The following MROH9 variants were observed in gnomAD, a reference collection of about 807,000 sequenced individuals.
MROH9 encodes the protein maestro heat like repeat family member 9, also known as maestro heat-like repeat-containing protein family member 9.
A neutral mutation model predicts 98.2 loss-of-function variants in MROH9; 92 were observed. The ratio of observed to expected loss-of-function variants is 0.94; its 90% CI spans 0.79 to 1.11. The LOEUF is 1.11. MROH9 is among the 50% of genes most tolerant of loss of function. The pLI is 0.00. For synonymous variants in MROH9, 397 were observed against 368.9 expected (o/e 1.08, Z -0.87); for missense variants, 1,057 against 1,014.8 (o/e 1.04, Z -0.57).
chr1:171,013,664 G>A (rs1652233973), intron 15 of MROH9, among the ~76,000 whole-genome samples: 1 of 152,062 alleles, frequency 6.6e-6, no homozygotes, highest in South Asian at 2.1e-4. Context: ...TAGCTTGCCT[G>A]GAAGCTCCAC....
intron 15 of MROH9, among the ~76,000 whole-genome samples, chr1:171,008,016 G>A (rs1308846477): frequency 6.6e-6 from 1 of 152,122 alleles, no homozygotes. Flanking sequence ...TCCCCAGCAA[G>A]GTACTTTTGT....
At chr1:170,972,330 C>T (rs904932749) in intron 8 of MROH9, among the ~76,000 whole-genome samples, 1 of 151,950 alleles carries the variant, frequency 6.6e-6, no homozygotes, top group Non-Finnish European at 1.5e-5. Flanking sequence ...AAAAGCAAGA[C>T]CTGAAAGTAT....
chr1:170,974,314 G>T (rs1650599045), intron 8 of MROH9, among the ~76,000 whole-genome samples: 1 of 152,056 alleles, frequency 6.6e-6, no homozygotes, highest in Non-Finnish European at 1.5e-5. Context: ...ACACTGAAAA[G>T]CTCAGCAGAG....
At chr1:171,013,358 T>G (rs528481808) in intron 15 of MROH9, among the ~76,000 whole-genome samples, 1 of 152,270 alleles carries the variant, frequency 6.6e-6, no homozygotes, top group East Asian at 1.9e-4. Context: ...TAGATTTTCA[T>G]AGTAGCACAA....
chr1:170,936,788 T>G (rs1290954884), intron 1 of MROH9, among the ~76,000 whole-genome samples: 2 of 151,668 alleles, frequency 1.3e-5, no homozygotes, highest in African/African-American at 2.4e-5. Flanking sequence ...ATTATTTAGG[T>G]GCACCGGCCC....
intron 12 of MROH9, among the ~76,000 whole-genome samples, chr1:170,993,711 G>A (rs140725918): frequency 7.8e-4 from 119 of 152,068 alleles, no homozygotes; most frequent in Non-Finnish European, 1.2e-3. Flanking sequence ...GAGCCATGCC[G>A]TAAAAGAGAA....
rs1036802063 is a variant in MROH9 at position 170,945,484 on chromosome 1, T to C, written c.-37-36T>C. On this transcript the variant is annotated intron_variant, in intron 1 of 21. Coordinates refer to ENST00000367759, the MANE Select transcript of MROH9 (RefSeq NM_001163629.2). ...AGCAAAACAAAACTGTAGGAAAGTT[T>C]CTGGTTTATGTACTAATACGTGATA... The C allele has an allele frequency of 1.1e-5, 17 of 1,500,642 alleles. No homozygotes were observed. The African/African-American group carries it at 1.4e-4, about 12-fold the overall frequency. 93.0% of individuals were successfully genotyped at this position (1,500,642 alleles called of 1,614,324 possible). A position where few individuals can be genotyped will look rare whatever the true frequency, so the allele number is the denominator to read the frequency against.
At chr1:171,044,734 T>C (rs1653408106) in intron 20 of MROH9, among the ~76,000 whole-genome samples, 1 of 152,048 alleles carries the variant, frequency 6.6e-6, no homozygotes, top group Non-Finnish European at 1.5e-5. Flanking sequence ...TTCTATATTT[T>C]CCAATTTATT....
At chr1:170,997,159 G>T (rs1436028997) in intron 14 of MROH9, among the ~76,000 whole-genome samples, 1 of 152,130 alleles carries the variant, frequency 6.6e-6, no homozygotes, top group Non-Finnish European at 1.5e-5. Context: ...TTCTGATCAA[G>T]AATCAAAATA....
intron 20 of MROH9, among the ~76,000 whole-genome samples, chr1:171,046,383 C>A (rs1379392153): frequency 6.6e-6 from 1 of 151,964 alleles, no homozygotes; most frequent in Non-Finnish European, 1.5e-5. Flanking sequence ...TCTTTCCTTC[C>A]TGTCTTCCTC....
intron 16 of MROH9, chr1:171,014,872 T>C: frequency 4.6e-6 from 2 of 432,530 alleles, no homozygotes; most frequent in Non-Finnish European, 9.6e-6. Context: ...CCCCGTCCTA[T>C]GGAATCAGAA....
intron 20 of MROH9, among the ~76,000 whole-genome samples, chr1:171,033,327 G>A (rs542632127): frequency 3.3e-5 from 5 of 152,258 alleles, no homozygotes; most frequent in Non-Finnish European, 5.9e-5. Context: ...ATCTTAAGCC[G>A]ATTCCAGATG....
At chr1:171,041,371 G>A (rs1653293458) in intron 20 of MROH9, among the ~76,000 whole-genome samples, 1 of 113,260 alleles carries the variant, frequency 8.8e-6, no homozygotes. Context: ...GTGTGTGTGT[G>A]TGTGTGTGTG....
At chr1:170,954,358 CT>C (rs1649679151) in intron 3 of MROH9, among the ~76,000 whole-genome samples, 1 of 152,162 alleles carries the variant, frequency 6.6e-6, no homozygotes, top group Non-Finnish European at 1.5e-5. Context: ...AATTTTGGCA[CT>C]CTTCAATATC....
intron 15 of MROH9, among the ~76,000 whole-genome samples, chr1:171,012,905 A>G (rs968617396): frequency 1.3e-5 from 2 of 152,160 alleles, no homozygotes; most frequent in African/African-American, 4.8e-5. Flanking sequence ...TCTGGGTATT[A>G]GCTCTTAAAA....
At chr1:170,985,324 T>C (rs1199583909) in intron 9 of MROH9, among the ~76,000 whole-genome samples, 3 of 152,110 alleles carry the variant, frequency 2.0e-5, no homozygotes, top group South Asian at 2.1e-4. Context: ...TAGTATATTA[T>C]GCAAACATTC....
intron 14 of MROH9, 52 bp from the exon 15 acceptor site, chr1:170,998,102 T>A: frequency 7.3e-7 from 1 of 1,362,384 alleles, no homozygotes; most frequent in Admixed American, 2.2e-5. Flanking sequence ...TTTGCCACTA[T>A]TAGCATGGTG....
intron 17 of MROH9, 32 bp downstream of exon 17, chr1:171,016,368 T>G (rs2101834313): frequency 7.1e-7 from 1 of 1,400,944 alleles, no homozygotes; most frequent in East Asian, 2.9e-5. Flanking sequence ...GTGAGATCAT[T>G]AGGTTTTGTG....
intron 3 of MROH9, among the ~76,000 whole-genome samples, chr1:170,957,536 G>C (rs551095545): frequency 3.9e-5 from 6 of 152,154 alleles, no homozygotes; most frequent in Non-Finnish European, 7.4e-5. Context: ...CTATGAGTCT[G>C]TTTTTATAGC....
Sources: allele counts gnomAD v4.1 joint callset (sites outside exome capture counted in the v4.1 genomes callset), GRCh38; gene constraint gnomAD v4.1.1; transcripts MANE v1.5; gene names NCBI Gene and HGNC (gene_info 2026-07-23, HGNC 2026-07-21).